Variants in NKAIN2 observed in about 807,000 individuals in gnomAD.
NKAIN2 encodes sodium/potassium-transporting ATPase subunit beta-1-interacting protein 2.
In NKAIN2, 14 loss-of-function variants were observed where a neutral mutation model predicts 32.6. That is an observed-to-expected ratio of 0.43 (90% CI 0.28 to 0.67). NKAIN2 has a LOEUF of 0.67. NKAIN2 is among the 30% of genes least tolerant of loss of function. The pLI is 0.17. For synonymous variants in NKAIN2, 80 were observed against 87.2 expected (o/e 0.92, Z 0.46); for missense variants, 198 against 258.3 (o/e 0.77, Z 1.60).
intron 1 of NKAIN2, among the ~76,000 whole-genome samples, chr6:123,969,189 G>C (rs937463186): frequency 6.6e-6 from 1 of 152,198 alleles, no homozygotes; most frequent in Non-Finnish European, 1.5e-5. Flanking sequence ...TTTCCAGTGA[G>C]ACTTACCCTG....
intron 1 of NKAIN2, among the ~76,000 whole-genome samples, chr6:124,101,112 A>G: frequency 6.6e-6 from 1 of 152,198 alleles, no homozygotes; most frequent in East Asian, 1.9e-4. Flanking sequence ...ATGTATTTCA[A>G]AAAGCAATAG....
intron 1 of NKAIN2, among the ~76,000 whole-genome samples, chr6:124,179,985 G>A (rs1789357505): frequency 6.6e-6 from 1 of 152,134 alleles, no homozygotes; most frequent in Non-Finnish European, 1.5e-5. Flanking sequence ...AGTGCTGAGA[G>A]CCACAAATTC....
chr6:124,296,933 G>GA (rs1796079752), intron 2 of NKAIN2, among the ~76,000 whole-genome samples: 1 of 152,168 alleles, frequency 6.6e-6, no homozygotes, highest in Admixed American at 6.6e-5. Flanking sequence ...TTCAGCATGT[G>GA]TTTTGGACTA....
At chr6:124,292,974 C>T (rs531370247) in intron 2 of NKAIN2, among the ~76,000 whole-genome samples, 1 of 152,174 alleles carries the variant, frequency 6.6e-6, no homozygotes, top group East Asian at 1.9e-4. Flanking sequence ...CAATCTACCC[C>T]TTGTCTCAAT....
chr6:124,117,617 C>G (rs1009650469), intron 1 of NKAIN2, among the ~76,000 whole-genome samples: 1 of 151,866 alleles, frequency 6.6e-6, no homozygotes, highest in Non-Finnish European at 1.5e-5. Flanking sequence ...CAAACCTGCA[C>G]GTTGTGCACA....
At position 123,941,855 on chromosome 6, in the gene NKAIN2, G is replaced by T. The variant is rs235677; in HGVS notation, c.54+137601G>T. On this transcript the variant is annotated intron_variant, in intron 1 of 6. Coordinates refer to ENST00000368417, the MANE Select transcript of NKAIN2 (RefSeq NM_001040214.3). The stretch of plus-strand genomic sequence containing the variant: ...TACTTTAGGCATGCACCCATAAATT[G>T]TTGCTGTGTGCCACCTCTTTTTTTT... 6.9e-3 allele frequency among the ~76,000 whole-genome samples: 1,042 copies of T among 151,902 alleles called. 14 individuals are homozygous for T. The highest frequency in any genetic ancestry group is 0.024 in the African/African-American group (993 of 41,480).
chr6:124,314,771 C>T (rs1796872733), intron 2 of NKAIN2, among the ~76,000 whole-genome samples: 1 of 152,206 alleles, frequency 6.6e-6, no homozygotes, highest in Non-Finnish European at 1.5e-5. Flanking sequence ...ATATTTCCAG[C>T]AGCTGGGGTG....
chr6:123,902,578 A>G (rs1327539566), intron 1 of NKAIN2, among the ~76,000 whole-genome samples: 1 of 152,192 alleles, frequency 6.6e-6, no homozygotes, highest in Non-Finnish European at 1.5e-5. Flanking sequence ...CTAATTAAAC[A>G]TTAGCACAAA....
intron 3 of NKAIN2, among the ~76,000 whole-genome samples, chr6:124,575,194 T>A (rs1391788059): frequency 6.6e-6 from 1 of 152,216 alleles, no homozygotes; most frequent in African/African-American, 2.4e-5. Flanking sequence ...TAATTTATCC[T>A]GTCCTGCAGG....
intron 1 of NKAIN2, among the ~76,000 whole-genome samples, chr6:123,973,097 T>C (rs568385620): frequency 6.6e-6 from 1 of 152,142 alleles, no homozygotes; most frequent in South Asian, 2.1e-4. Flanking sequence ...CCAGGAAAAT[T>C]TGGGTTTCAT....
intron 1 of NKAIN2, among the ~76,000 whole-genome samples, chr6:123,947,922 C>T (rs9482490): frequency 0.083 from 12,658 of 152,128 alleles, 1,683 homozygotes; most frequent in African/African-American, 0.28. Context: ...CTCTCACCAT[C>T]TACACACCCT....
rs778011820 is a variant in NKAIN2 at position 124,182,478 on chromosome 6, A to G, written c.55-100527A>G. On this transcript the variant is annotated intron_variant, in intron 1 of 6. Transcript: ENST00000368417. ...ATTCAACTCTGTATTCTTTGAAATT[A>G]TTAGTAAAATATTTTAAACACAACA... is the stretch of plus-strand genomic sequence containing the variant. Among the ~76,000 whole-genome samples, 16 of 152,356 alleles carry G rather than the reference A, an allele frequency of 1.1e-4. No individual in the cohort carries two copies. In the East Asian group the frequency reaches 1.5e-3, roughly 15 times the overall value.
In NKAIN2 at chr6:124,543,170, T is replaced by C. The variant is rs569896338; in HGVS notation, c.274-115016T>C. On this transcript the variant is annotated intron_variant, in intron 3 of 6. Coordinates refer to ENST00000368417, the MANE Select transcript of NKAIN2 (RefSeq NM_001040214.3). ...ACTTTAATAAAATTTAAGTGGTATA[T>C]GCTATGCCTACCAACTGCTTAAAAA... is the stretch of plus-strand genomic sequence containing the variant. 9.2e-5 allele frequency among the ~76,000 whole-genome samples: 14 copies of C among 152,324 alleles called. No homozygotes were observed. In the East Asian group the frequency reaches 1.2e-3, roughly 13 times the overall value.
chr6:124,582,859 A>G (rs1188141705), intron 3 of NKAIN2, among the ~76,000 whole-genome samples: 1 of 152,162 alleles, frequency 6.6e-6, no homozygotes, highest in East Asian at 1.9e-4. Context: ...AATAGAATGA[A>G]GGACAAAAAC....
At chr6:124,589,378 T>G (rs1781825421) in intron 3 of NKAIN2, among the ~76,000 whole-genome samples, 1 of 152,344 alleles carries the variant, frequency 6.6e-6, no homozygotes, top group East Asian at 1.9e-4. Flanking sequence ...TGGGAAGTAC[T>G]CTAATATTCG....
chr6:124,424,054 C>T (rs758276522), intron 3 of NKAIN2, among the ~76,000 whole-genome samples: 18 of 152,154 alleles, frequency 1.2e-4, no homozygotes, highest in Admixed American at 3.9e-4. Context: ...AGTTCAGTGG[C>T]GCATTCTCGG....
At chr6:123,922,480 A>G (rs1342808529) in intron 1 of NKAIN2, among the ~76,000 whole-genome samples, 1 of 152,166 alleles carries the variant, frequency 6.6e-6, no homozygotes, top group Non-Finnish European at 1.5e-5. Flanking sequence ...TGGACAGTAA[A>G]CTTTTAGATG....
intron 4 of NKAIN2, among the ~76,000 whole-genome samples, chr6:124,746,742 AT>A (rs1345506684): frequency 6.6e-6 from 1 of 151,794 alleles, no homozygotes; most frequent in Non-Finnish European, 1.5e-5. Flanking sequence ...ACACAAAGAA[AT>A]TTTTCAATGC....
chr6:124,394,059 G>A (rs9401743), intron 3 of NKAIN2, among the ~76,000 whole-genome samples: 78,654 of 151,916 alleles, frequency 0.52, 20,894 homozygotes, highest in African/African-American at 0.64. Flanking sequence ...AAGAGTGTCT[G>A]CAGAGATCTG....
Sources: allele counts gnomAD v4.1 joint callset (sites outside exome capture counted in the v4.1 genomes callset), GRCh38; gene constraint gnomAD v4.1.1; transcripts MANE v1.5; gene names NCBI Gene and HGNC (gene_info 2026-07-23, HGNC 2026-07-21).